CSMD3: variants seen among roughly 807,000 people sequenced by gnomAD.
CSMD3 encodes the protein CUB and Sushi multiple domains 3, also known as CUB and sushi domain-containing protein 3.
Under a neutral mutation model 435.2 loss-of-function variants are expected in CSMD3, and 177 were observed. The observed-to-expected ratio is 0.41, with a 90% CI of 0.36 to 0.46. CSMD3 has a LOEUF of 0.46. CSMD3 is among the 20% of genes least tolerant of loss of function. The probability of loss-of-function intolerance (pLI) is 0.34; values close to 1 mark genes in which losing one functional copy is unlikely to be tolerated. For missense variants in CSMD3, 4,265 were observed against 4,504.6 expected, an observed-to-expected ratio of 0.95 and a Z score of 1.52; for synonymous variants, 1,656 against 1,520.5, an observed-to-expected ratio of 1.09 and a Z score of -2.07.
intron 4 of CSMD3, among the ~76,000 whole-genome samples, chr8:113,115,334 A>C (rs2090789127): frequency 6.6e-6 from 1 of 152,190 alleles, no homozygotes; most frequent in African/African-American, 2.4e-5. Flanking sequence ...TAGGTGCTGA[A>C]AACTTCTAAG....
chr8:113,300,418 C>A (rs747656172), intron 2 of CSMD3, among the ~76,000 whole-genome samples: 9 of 152,036 alleles, frequency 5.9e-5, no homozygotes, highest in African/African-American at 9.7e-5. Flanking sequence ...TTCCCAATAG[C>A]AAAGTCATGG....
Position 113,424,828 on chromosome 8 carries a change from T to C in CSMD3, c.178+11849A>G, listed in dbSNP as rs573378422. ...AAAGTTACAAACAGCATCTGTAGAA[T>C]GTTATATTTACCTGTGATAAGGTAA... On this transcript the variant is annotated intron_variant, in intron 1 of 70. Transcript: ENST00000297405. 5.3e-5 allele frequency among the ~76,000 whole-genome samples: 8 copies of C among 151,662 alleles called. No homozygotes were observed. In the East Asian group the frequency reaches 5.8e-4, roughly 11 times the overall value.
intron 10 of CSMD3, among the ~76,000 whole-genome samples, chr8:112,898,820 T>C (rs940620517): frequency 1.3e-5 from 2 of 151,262 alleles, no homozygotes; most frequent in African/African-American, 4.8e-5. Context: ...GAAGATATGC[T>C]GCATTTTTTT....
At chr8:112,309,369 T>A (rs1052676869) in intron 50 of CSMD3, among the ~76,000 whole-genome samples, 12 of 151,738 alleles carry the variant, frequency 7.9e-5, no homozygotes, top group African/African-American at 2.7e-4. Context: ...AAAGCAATCA[T>A]TATGTAACTA....
At chr8:112,925,954 T>C (rs2130666610) in intron 9 of CSMD3, among the ~76,000 whole-genome samples, 1 of 152,340 alleles carries the variant, frequency 6.6e-6, no homozygotes. Context: ...TTGTATTGTA[T>C]AAGCCATTAA....
intron 33 of CSMD3, among the ~76,000 whole-genome samples, 182 bp from the exon 34 acceptor site, chr8:112,408,595 T>C (rs1832061308): frequency 6.6e-6 from 1 of 152,098 alleles, no homozygotes. Context: ...GCAATCTTTT[T>C]CTCAGAAAGC....
In CSMD3 at chr8:113,265,065, G is replaced by A. The variant is rs750178928; in HGVS notation, c.514+13527C>T. 2.0e-4 allele frequency among the ~76,000 whole-genome samples: 31 copies of A among 151,494 alleles called. 1 individual carries two copies. Among genetic ancestry groups the A allele is most frequent in the Non-Finnish European group, 3.8e-4 (26 of 67,636 alleles). On this transcript the variant is annotated intron_variant, in intron 3 of 70. Transcript: ENST00000297405. ...CTACTGTGAGTGAAAAATCCAAAAT[G>A]ATTTTTTATACATGTTGCTAAACGT... is the stretch of plus-strand genomic sequence containing the variant.
rs1298251046 is a variant in CSMD3 at position 112,738,923 on chromosome 8, G to A, written c.1973-48873C>T. Among the ~76,000 whole-genome samples the A allele has an allele frequency of 5.9e-5, 9 of 151,758 alleles. No homozygotes were observed. In the East Asian group the frequency reaches 1.7e-3, roughly 29 times the overall value. On this transcript the variant is annotated intron_variant, in intron 13 of 70. Coordinates refer to ENST00000297405, the MANE Select transcript of CSMD3 (RefSeq NM_198123.2). ...TTGAATTTAAATGGAATTTTTTCCA[G>A]TGCCCTTTATCTTGAAGTATTAAGA... is the stretch of plus-strand genomic sequence containing the variant.
At chr8:112,691,137 T>A (rs2076127946) in intron 13 of CSMD3, among the ~76,000 whole-genome samples, 1 of 152,162 alleles carries the variant, frequency 6.6e-6, no homozygotes, top group Admixed American at 6.6e-5. Context: ...TATTATACTG[T>A]CAATATTATT....
chr8:112,983,910 A>G (rs1162844922), intron 6 of CSMD3, among the ~76,000 whole-genome samples: 1 of 152,074 alleles, frequency 6.6e-6, no homozygotes, highest in African/African-American at 2.4e-5. Flanking sequence ...GCTCAAGTAA[A>G]GTAGCCTAAT....
chr8:112,307,206 C>T (rs1375344328), intron 50 of CSMD3, among the ~76,000 whole-genome samples: 1 of 151,994 alleles, frequency 6.6e-6, no homozygotes, highest in African/African-American at 2.4e-5. Flanking sequence ...TCACTGCAAC[C>T]TCTACCTTCT....
chr8:112,454,001 T>G (rs1255334042), intron 32 of CSMD3, among the ~76,000 whole-genome samples: 1 of 152,026 alleles, frequency 6.6e-6, no homozygotes, highest in Non-Finnish European at 1.5e-5. Context: ...AATGGGAAAA[T>G]AATTCTCTAA....
chr8:113,102,275 C>A (rs2090352180), intron 4 of CSMD3, among the ~76,000 whole-genome samples: 1 of 152,066 alleles, frequency 6.6e-6, no homozygotes, highest in African/African-American at 2.4e-5. Context: ...ATAGAACCAT[C>A]TCCTTAGAGG....
intron 32 of CSMD3, among the ~76,000 whole-genome samples, chr8:112,467,635 G>A (rs941068547): frequency 2.0e-5 from 3 of 152,282 alleles, no homozygotes; most frequent in Middle Eastern, 3.4e-3. Context: ...TTTTGCAGAT[G>A]TGATTAGTTA....
intron 5 of CSMD3, among the ~76,000 whole-genome samples, chr8:113,071,424 T>A (rs1436663080): frequency 1.3e-5 from 2 of 151,994 alleles, no homozygotes; most frequent in Non-Finnish European, 2.9e-5. Context: ...TCTCTATGTT[T>A]TCTTCTAGTA....
intron 3 of CSMD3, among the ~76,000 whole-genome samples, chr8:113,237,753 T>C (rs2093166312): frequency 6.6e-6 from 1 of 152,138 alleles, no homozygotes; most frequent in Non-Finnish European, 1.5e-5. Context: ...AACAGACCAA[T>C]ACTCAGTAAA....
Position 112,550,741 on chromosome 8 carries a change from G to T in CSMD3, c.4494C>A (p.Leu1498=). The T allele has an allele frequency of 6.2e-7, 1 of 1,605,366 alleles. No individual in the cohort carries two copies. Among genetic ancestry groups the T allele is most frequent in the Non-Finnish European group, 8.5e-7 (1 of 1,172,448 alleles). ...SLIPEGIHST[L]NIVTIQFDTD... ...TGTCAAACTGGATGGTTACTATATT[G>T]AGGGTGCTATGAATTCCTTCAGGAA... The change falls in exon 27 of 71, where the codon CTC becomes CTA. Residue 1498 remains leucine, a synonymous_variant. Transcript: ENST00000297405.
intron 29 of CSMD3, among the ~76,000 whole-genome samples, chr8:112,506,082 C>A (rs778552946): frequency 1.2e-4 from 18 of 151,968 alleles, no homozygotes; most frequent in Non-Finnish European, 1.9e-4. Flanking sequence ...AGGATCCTGG[C>A]ATAAAACTAA....
intron 10 of CSMD3, among the ~76,000 whole-genome samples, chr8:112,863,729 C>A (rs908145283): frequency 2.0e-5 from 3 of 151,930 alleles, no homozygotes; most frequent in Non-Finnish European, 2.9e-5. Flanking sequence ...TTTGCCTCTT[C>A]AATGGAGCCT....
Sources: allele counts gnomAD v4.1 joint callset (sites outside exome capture counted in the v4.1 genomes callset), GRCh38; gene constraint gnomAD v4.1.1; transcripts MANE v1.5; gene names NCBI Gene and HGNC (gene_info 2026-07-23, HGNC 2026-07-21).